XPO7: variants seen among roughly 807,000 people sequenced by gnomAD.
XPO7 encodes exportin 7, also known as exportin-7.
In XPO7, 21 loss-of-function variants were observed where a neutral mutation model predicts 144.3. The ratio of observed to expected loss-of-function variants is 0.15; its 90% CI spans 0.10 to 0.21. The LOEUF (loss-of-function observed/expected upper bound fraction) is 0.21. XPO7 is among the 10% of genes least tolerant of loss of function. XPO7 has a pLI of 1.00. For synonymous variants in XPO7, 580 were observed against 499.6 expected (o/e 1.16, Z -2.15); for missense variants, 808 against 1,325.8 (o/e 0.61, Z 6.06).
intron 1 of XPO7, among the ~76,000 whole-genome samples, chr8:21,938,891 G>GA (rs996489363): frequency 6.6e-6 from 1 of 152,134 alleles, no homozygotes; most frequent in Admixed American, 6.6e-5. Flanking sequence ...TAATGAGAAT[G>GA]AGGAGCCTGG....
chr8:21,961,501 C>A (rs1449299121), intron 1 of XPO7, among the ~76,000 whole-genome samples: 1 of 152,108 alleles, frequency 6.6e-6, no homozygotes. Context: ...TAGGTGTGAG[C>A]CACTGTGCAC....
chr8:21,975,204 A>G (rs1005314903), intron 6 of XPO7, among the ~76,000 whole-genome samples: 5 of 152,358 alleles, frequency 3.3e-5, no homozygotes, highest in African/African-American at 1.2e-4. Context: ...GCATACAGAA[A>G]CCAGGCTGGT....
chr8:21,922,552 GTT>G (rs930662984), intron 1 of XPO7, among the ~76,000 whole-genome samples: 2 of 151,802 alleles, frequency 1.3e-5, no homozygotes, highest in Admixed American at 1.3e-4. Flanking sequence ...TTCCTTTCAT[GTT>G]TTTTTTAACA....
At chr8:21,926,997 C>A (rs1356020943) in intron 1 of XPO7, among the ~76,000 whole-genome samples, 1 of 152,140 alleles carries the variant, frequency 6.6e-6, no homozygotes, top group Non-Finnish European at 1.5e-5. Flanking sequence ...ATATTTTGAA[C>A]TGATAATGTT....
intron 18 of XPO7, among the ~76,000 whole-genome samples, chr8:21,991,515 G>T (rs1391839352): frequency 1.3e-5 from 2 of 152,186 alleles, no homozygotes; most frequent in African/African-American, 4.8e-5. Context: ...TAAAGTTTGA[G>T]TCTCATCTGG....
At chr8:21,996,401 C>CAAG (rs1308401721) in intron 21 of XPO7, among the ~76,000 whole-genome samples, 2 of 152,132 alleles carry the variant, frequency 1.3e-5, no homozygotes, top group Non-Finnish European at 2.9e-5. Context: ...GGTGACAGAG[C>CAAG]AAGACCCTGT....
rs1204468188 is a variant in XPO7 at position 21,942,473 on chromosome 8, CT to C, written c.18+22688del. On this transcript the variant is annotated intron_variant, in intron 1 of 27. Transcript: ENST00000252512. Reference sequence around the variant, plus strand: ...TTGTTTTATAATTTTTTGTGAATTTCTTTAATATGTGTCTTATTGGAGTACA... The same window carrying C: ...TTGTTTTATAATTTTTTGTGAATTTCTTAATATGTGTCTTATTGGAGTACA... Among the ~76,000 whole-genome samples the C allele has an allele frequency of 5.9e-5, 9 of 152,234 alleles. No individual in the cohort carries two copies. The East Asian group carries it at 1.7e-3, about 29-fold the overall frequency.
chr8:21,966,275 GT>G (rs1563324561), intron 1 of XPO7: 2 of 780,376 alleles, frequency 2.6e-6, no homozygotes, highest in Non-Finnish European at 2.4e-6. Context: ...ACAGAAGAGA[GT>G]CTGCTGAACT....
intron 8 of XPO7, 133 bp from the exon 9 acceptor site, chr8:21,979,946 GTTCTT>G (rs1333539276): frequency 2.7e-6 from 3 of 1,117,364 alleles, no homozygotes; most frequent in African/African-American, 3.2e-5. Context: ...TTGGATCTAT[GTTCTT>G]TTCTTTTCTC....
At chr8:21,932,559 A>G (rs1375299737) in intron 1 of XPO7, among the ~76,000 whole-genome samples, 1 of 152,158 alleles carries the variant, frequency 6.6e-6, no homozygotes, top group Non-Finnish European at 1.5e-5. Context: ...CGAATCTTCT[A>G]AAGAAGTACA....
chr8:21,972,465 G>A (rs1585455313), intron 5 of XPO7, among the ~76,000 whole-genome samples: 1 of 152,108 alleles, frequency 6.6e-6, no homozygotes, highest in Non-Finnish European at 1.5e-5. Context: ...CAACAAGAGC[G>A]AAACTCCATC....
rs755581388 is a variant in XPO7 at position 21,974,640 on chromosome 8, T to C, written c.493-30T>C. The C allele has an allele frequency of 2.7e-6, 4 of 1,490,262 alleles. No individual in the cohort carries two copies. In the South Asian group the frequency reaches 3.9e-5, roughly 14 times the overall value. The allele number at this position is 1,490,262 out of a possible 1,614,324, so 92.3% of individuals were successfully genotyped here. On this transcript the variant is annotated intron_variant, in intron 5 of 27. Coordinates refer to ENST00000252512, the MANE Select transcript of XPO7 (RefSeq NM_015024.5). ...AAAATTCTTTTTTTGCAATTAATTC[T>C]TTGCATTGGTTTCTTCTTTTTCTGC...
At chr8:21,949,448 C>G (rs1023615276) in intron 1 of XPO7, among the ~76,000 whole-genome samples, 1 of 152,184 alleles carries the variant, frequency 6.6e-6, no homozygotes, top group Non-Finnish European at 1.5e-5. Context: ...TGATACTTCT[C>G]CCATTATTGC....
rs1812269035 is a variant in XPO7, at chr8:21,977,627, T to G, written c.764-143T>G. 5.6e-6 allele frequency: 4 copies of G among 719,540 alleles called. No homozygotes were observed. The South Asian group carries it at 9.7e-5, about 17-fold the overall frequency. The allele number at this position is 719,540 out of a possible 1,614,324, so 44.6% of individuals were successfully genotyped here. A position where few individuals can be genotyped will look rare whatever the true frequency, so the allele number is the denominator to read the frequency against. On this transcript the variant is annotated intron_variant, in intron 7 of 27. Coordinates refer to ENST00000252512, the MANE Select transcript of XPO7 (RefSeq NM_015024.5). ...AAAAGGGAAACCAAAAAGCCCCTAT[T>G]TGCTTATCACTTCCAAAGGAAATAA...
At chr8:21,954,897 T>G (rs1445959437) in intron 1 of XPO7, among the ~76,000 whole-genome samples, 1 of 152,158 alleles carries the variant, frequency 6.6e-6, no homozygotes, top group Admixed American at 6.5e-5. Flanking sequence ...AAGGAAAAAA[T>G]TGATAAGACA....
chr8:21,974,780 C>A lies in XPO7; in HGVS notation c.597+6C>A. The A allele has an allele frequency of 6.4e-7, 1 of 1,551,108 alleles. No individual in the cohort carries two copies. On this transcript the variant is annotated splice_donor_region_variant and intron_variant, in intron 6 of 27. Transcript: ENST00000252512. Reference sequence around the variant, plus strand: ...CCTGCAATTTACTAAAACAGGTGAGCATGTAGTTTGGGTCATATTTCCCAG... The same window carrying A: ...CCTGCAATTTACTAAAACAGGTGAGAATGTAGTTTGGGTCATATTTCCCAG...
At chr8:21,944,301 G>A (rs1811086986) in intron 1 of XPO7, among the ~76,000 whole-genome samples, 2 of 152,234 alleles carry the variant, frequency 1.3e-5, no homozygotes, top group South Asian at 2.1e-4. Flanking sequence ...GGTCAAACGC[G>A]GTGGCCCTGT....
At chr8:21,987,344 A>C (rs749584892) in intron 14 of XPO7, 68 bp downstream of exon 14, 39 of 1,598,290 alleles carry the variant, frequency 2.4e-5, no homozygotes, top group Non-Finnish European at 3.3e-5. Flanking sequence ...ATGGAGGGAA[A>C]CAGTTGCTGA....
rs4871903 is a variant in XPO7 at position 21,970,322 on chromosome 8, A to G, written c.426+12A>G. ...CAAGGTTTTTACAGGTACAGTGTAT[A>G]TATTTGATGTAATGGGAATGGGAGA... is the stretch of plus-strand genomic sequence containing the variant. On this transcript the variant is annotated intron_variant, in intron 4 of 27. Transcript: ENST00000252512. 655,973 of 1,609,164 alleles carry G rather than the reference A, an allele frequency of 0.41. 138,269 individuals carry two copies. The highest frequency in any genetic ancestry group is 0.44 in the Non-Finnish European group (515,799 of 1,177,720).
Sources: gnomAD v4.1 joint callset for allele counts (sites outside exome capture counted in the v4.1 genomes callset) on GRCh38, gnomAD v4.1.1 for gene constraint, MANE v1.5 for transcripts, NCBI Gene and HGNC (gene_info 2026-07-23, HGNC 2026-07-21) for gene names.